The following WWOX variants were observed in gnomAD, a reference collection of about 807,000 sequenced individuals.
WWOX encodes WW domain containing oxidoreductase, also known as WW domain-containing oxidoreductase.
A neutral mutation model predicts 46.2 loss-of-function variants in WWOX; 69 were observed. That is an observed-to-expected ratio of 1.49 (90% CI 1.23 to 1.82). The LOEUF (loss-of-function observed/expected upper bound fraction) is 1.82. WWOX is among the 40% of genes most tolerant of loss of function. The pLI, the probability that WWOX is intolerant of heterozygous loss-of-function variation, is 0.00. For missense variants in WWOX, 919 were observed against 542.6 expected, an observed-to-expected ratio of 1.69 and a Z score of -6.89; for synonymous variants, 359 against 202.6, an observed-to-expected ratio of 1.77 and a Z score of -6.56.
rs1256385031 is a variant in WWOX at position 78,251,513 on chromosome 16, T to C, written c.516+87224T>C. 2.0e-5 allele frequency among the ~76,000 whole-genome samples: 3 copies of C among 152,322 alleles called. No homozygotes were observed. In the East Asian group the frequency reaches 5.8e-4, roughly 29 times the overall value. On this transcript the variant is annotated intron_variant, in intron 5 of 8. Transcript: ENST00000566780. ...GCTTCTCCTCTCTTTCCCATCCAAC[T>C]GAGCAGCACCAATAAATAGATAAGA...
At chr16:78,662,898 C>A (rs1597410851) in intron 8 of WWOX, among the ~76,000 whole-genome samples, 2 of 152,102 alleles carry the variant, frequency 1.3e-5, no homozygotes, top group East Asian at 3.9e-4. Context: ...GACTTTTGTC[C>A]AAGTGAGAAG....
At chr16:78,502,837 G>T (rs2085104020) in intron 8 of WWOX, among the ~76,000 whole-genome samples, 1 of 152,172 alleles carries the variant, frequency 6.6e-6, no homozygotes, top group Admixed American at 6.5e-5. Context: ...CTTACAGTAT[G>T]ACTCGTAACT....
chr16:78,714,903 T>C (rs1304894682), intron 8 of WWOX, among the ~76,000 whole-genome samples: 2 of 152,176 alleles, frequency 1.3e-5, no homozygotes, highest in Non-Finnish European at 2.9e-5. Flanking sequence ...TGGTGTGATA[T>C]ATGAAATGAC....
At chr16:78,462,698 A>G (rs977360176) in intron 8 of WWOX, among the ~76,000 whole-genome samples, 2 of 152,214 alleles carry the variant, frequency 1.3e-5, no homozygotes. Context: ...AGAACTGGAA[A>G]GGTGCAATAA....
At chr16:79,029,267 C>T (rs564116569) in intron 8 of WWOX, among the ~76,000 whole-genome samples, 1 of 152,238 alleles carries the variant, frequency 6.6e-6, no homozygotes, top group South Asian at 2.1e-4. Context: ...AGTTTTCACG[C>T]GGAAACTGGA....
intron 8 of WWOX, among the ~76,000 whole-genome samples, chr16:78,508,560 C>G (rs1349360760): frequency 6.6e-6 from 1 of 152,106 alleles, no homozygotes; most frequent in Non-Finnish European, 1.5e-5. Flanking sequence ...AGTCCCTATT[C>G]TTAGGTTTTA....
intron 5 of WWOX, among the ~76,000 whole-genome samples, chr16:78,323,290 A>C (rs1197997962): frequency 6.6e-6 from 1 of 152,008 alleles, no homozygotes; most frequent in African/African-American, 2.4e-5. Context: ...TATTTTTAGT[A>C]GAAACGGGGT....
rs192575572 is a variant in WWOX, at chr16:79,079,872, T to G, written c.1057-131736T>G. 7.2e-5 allele frequency among the ~76,000 whole-genome samples: 11 copies of G among 152,320 alleles called. No individual in the cohort carries two copies. The Middle Eastern group carries it at 0.01, about 141-fold the overall frequency. On this transcript the variant is annotated intron_variant, in intron 8 of 8. Coordinates refer to ENST00000566780, the MANE Select transcript of WWOX (RefSeq NM_016373.4). ...TTCTCTGGGCATAGCTTTGCCCCAT[T>G]GCACGAATATAGAAAATTTGGCAGG...
At chr16:78,600,025 C>G (rs2045583762) in intron 8 of WWOX, among the ~76,000 whole-genome samples, 1 of 152,104 alleles carries the variant, frequency 6.6e-6, no homozygotes, top group Admixed American at 6.5e-5. Flanking sequence ...GGGGAGGCCT[C>G]ACAACCATGG....
chr16:79,074,904 G>C (rs560320583), intron 8 of WWOX, among the ~76,000 whole-genome samples: 2 of 151,498 alleles, frequency 1.3e-5, no homozygotes, highest in Non-Finnish European at 2.9e-5. Flanking sequence ...AAAAATAAAC[G>C]TTTTGCCAAA....
At chr16:79,195,760 A>G (rs1453110285) in intron 8 of WWOX, among the ~76,000 whole-genome samples, 6 of 152,246 alleles carry the variant, frequency 3.9e-5, no homozygotes, top group African/African-American at 1.2e-4. Context: ...TTGGGGAAAC[A>G]CTCCAGGTAG....
intron 8 of WWOX, among the ~76,000 whole-genome samples, chr16:78,868,190 C>G (rs903765953): frequency 6.6e-6 from 1 of 152,124 alleles, no homozygotes; most frequent in Non-Finnish European, 1.5e-5. Flanking sequence ...GAATACTACT[C>G]AGCAATGAAA....
intron 8 of WWOX, among the ~76,000 whole-genome samples, chr16:78,756,045 A>G (rs574051050): frequency 1.3e-5 from 2 of 152,324 alleles, no homozygotes; most frequent in East Asian, 3.9e-4. Context: ...ACTCTGAGGC[A>G]TGAGAAGGCT....
intron 8 of WWOX, among the ~76,000 whole-genome samples, chr16:79,134,947 G>A (rs193106492): frequency 1.3e-5 from 2 of 152,340 alleles, no homozygotes; most frequent in East Asian, 3.9e-4. Flanking sequence ...AACAGGGTAT[G>A]TGTTTGCAGA....
At chr16:78,976,257 C>A (rs555116404) in intron 8 of WWOX, among the ~76,000 whole-genome samples, 2 of 152,326 alleles carry the variant, frequency 1.3e-5, no homozygotes, top group East Asian at 1.9e-4. Context: ...TTTAATCTTA[C>A]CAGCATCTTG....
At chr16:78,393,068 G>C (rs1005773926) in intron 6 of WWOX, among the ~76,000 whole-genome samples, 1 of 152,190 alleles carries the variant, frequency 6.6e-6, no homozygotes, top group Non-Finnish European at 1.5e-5. Flanking sequence ...AAACTGGCTT[G>C]TGAGGGATAT....
At chr16:78,617,655 C>G (rs1337848013) in intron 8 of WWOX, among the ~76,000 whole-genome samples, 1 of 152,162 alleles carries the variant, frequency 6.6e-6, no homozygotes, top group Non-Finnish European at 1.5e-5. Flanking sequence ...CCCTGCTCCT[C>G]AAGCTTGCAT....
chr16:78,664,527 C>G (rs16948270), intron 8 of WWOX, among the ~76,000 whole-genome samples: 5,831 of 152,252 alleles, frequency 0.038, 315 homozygotes, highest in African/African-American at 0.13. Flanking sequence ...AGCAGGGATT[C>G]CAAGCTTGTA....
chr16:79,184,923 G>A (rs1380346326), intron 8 of WWOX, among the ~76,000 whole-genome samples: 1 of 152,210 alleles, frequency 6.6e-6, no homozygotes, highest in South Asian at 2.1e-4. Context: ...ATCATTGGCT[G>A]TAGGGATTCT....
Sources: allele counts gnomAD v4.1 joint callset (sites outside exome capture counted in the v4.1 genomes callset), GRCh38; gene constraint gnomAD v4.1.1; transcripts MANE v1.5; gene names NCBI Gene and HGNC (gene_info 2026-07-23, HGNC 2026-07-21).